BMP7: variants seen among roughly 807,000 people sequenced by gnomAD.
The protein encoded by BMP7 is osteogenic protein 1.
BMP7 carries 12 observed loss-of-function variants against 41.2 expected under a neutral mutation model. The observed-to-expected ratio is 0.29, with a 90% CI of 0.19 to 0.47. The LOEUF (loss-of-function observed/expected upper bound fraction) is 0.47. BMP7 is among the 20% of genes least tolerant of loss of function. BMP7 has a pLI of 0.99. For missense variants in BMP7, 467 were observed against 606.0 expected, an observed-to-expected ratio of 0.77 and a Z score of 2.41; for synonymous variants, 248 against 250.0, an observed-to-expected ratio of 0.99 and a Z score of 0.07.
intron 4 of BMP7, among the ~76,000 whole-genome samples, chr20:57,182,135 T>G (rs1984098033): frequency 6.6e-6 from 1 of 152,146 alleles, no homozygotes; most frequent in African/African-American, 2.4e-5. Context: ...GAAAATGGTT[T>G]GTTGTGAGGT....
intron 3 of BMP7, among the ~76,000 whole-genome samples, chr20:57,201,901 C>T (rs943830906): frequency 6.6e-6 from 1 of 152,202 alleles, no homozygotes; most frequent in Non-Finnish European, 1.5e-5. Flanking sequence ...ACAATGGATT[C>T]TCCAGGAACT....
chr20:57,255,538 G>T (rs1056146056), intron 1 of BMP7, among the ~76,000 whole-genome samples: 1 of 152,126 alleles, frequency 6.6e-6, no homozygotes, highest in Non-Finnish European at 1.5e-5. Context: ...AGTGGCTCAC[G>T]CCTGTAATCT....
At chr20:57,264,818 G>A (rs542818985) in intron 1 of BMP7, among the ~76,000 whole-genome samples, 1 of 152,106 alleles carries the variant, frequency 6.6e-6, no homozygotes, top group Non-Finnish European at 1.5e-5. Context: ...GATCACCTGA[G>A]ATCGGGAGTT....
intron 1 of BMP7, among the ~76,000 whole-genome samples, chr20:57,247,470 A>G (rs1485616349): frequency 6.6e-6 from 1 of 152,196 alleles, no homozygotes; most frequent in Non-Finnish European, 1.5e-5. Context: ...GCCATTTAAT[A>G]GAAAGCAAAA....
chr20:57,190,191 G>A (rs1984317763), intron 3 of BMP7, among the ~76,000 whole-genome samples: 1 of 151,640 alleles, frequency 6.6e-6, no homozygotes, highest in South Asian at 2.1e-4. Flanking sequence ...GAGGAGGTGA[G>A]GCCAGAGAGA....
rs140374742 is a variant in BMP7 at position 57,224,073 on chromosome 20, C to G, written c.611+4156G>C. Among the ~76,000 whole-genome samples, 5,997 of 152,278 alleles carry G rather than the reference C, an allele frequency of 0.039. 124 individuals carry two copies. Among genetic ancestry groups the G allele is most frequent in the Middle Eastern group, 0.048 (14 of 294 alleles). ...AAGGCAGAAACTCAGGGCCCCCATCCCAGGGCTAGTCGAGGGCAAGAGCCT... is the reference window on the plus strand; with the variant it reads ...AAGGCAGAAACTCAGGGCCCCCATCGCAGGGCTAGTCGAGGGCAAGAGCCT... On this transcript the variant is annotated intron_variant, in intron 2 of 6. Coordinates refer to ENST00000395863, the MANE Select transcript of BMP7 (RefSeq NM_001719.3). This position sits in a 1 kb window ranked among gnomAD's most constrained non-coding sequence, Gnocchi z 4.8.
chr20:57,204,739 G>T (rs1444101091), intron 2 of BMP7, among the ~76,000 whole-genome samples: 1 of 152,206 alleles, frequency 6.6e-6, no homozygotes, highest in Non-Finnish European at 1.5e-5. Flanking sequence ...ACCACAGATG[G>T]GCGCAGGAGT....
At chr20:57,221,856 G>A (rs1204813208) in intron 2 of BMP7, among the ~76,000 whole-genome samples, 2 of 150,952 alleles carry the variant, frequency 1.3e-5, no homozygotes, top group South Asian at 2.1e-4. Flanking sequence ...AGGGATAAGG[G>A]TGTCTCCATG....
At chr20:57,255,799 C>CAAAAAAAA (rs3067106) in intron 1 of BMP7, among the ~76,000 whole-genome samples, 76 of 48,420 alleles carry the variant, frequency 1.6e-3, no homozygotes, top group African/African-American at 2.0e-3. Context: ...GACTCCATCT[C>CAAAAAAAA]AAAAAAAAAA....
chr20:57,195,127 C>CT (rs1984462394), intron 3 of BMP7, among the ~76,000 whole-genome samples: 1 of 152,204 alleles, frequency 6.6e-6, no homozygotes, highest in Non-Finnish European at 1.5e-5. Context: ...ATCGGCATGG[C>CT]CAGCCCGAGG....
chr20:57,218,665 G>T (rs957893659), intron 2 of BMP7, among the ~76,000 whole-genome samples: 121 of 151,780 alleles, frequency 8.0e-4, no homozygotes, highest in African/African-American at 2.8e-3. Flanking sequence ...GGTGGTAGCT[G>T]GTGTTTGTTC....
At chr20:57,262,984 A>T (rs1600649357) in intron 1 of BMP7, among the ~76,000 whole-genome samples, 1 of 152,198 alleles carries the variant, frequency 6.6e-6, no homozygotes, top group East Asian at 1.9e-4. Context: ...CTATGGAGAA[A>T]TTCCAAGCTA....
intron 1 of BMP7, among the ~76,000 whole-genome samples, chr20:57,248,871 T>C (rs1235610898): frequency 1.3e-5 from 2 of 151,828 alleles, no homozygotes; most frequent in Non-Finnish European, 2.9e-5. Flanking sequence ...TGATCTCGGC[T>C]CACTGCAAGC....
intron 1 of BMP7, among the ~76,000 whole-genome samples, chr20:57,260,205 C>T (rs2066148579): frequency 1.3e-5 from 2 of 152,196 alleles, no homozygotes; most frequent in South Asian, 4.1e-4. Flanking sequence ...GTGCCCACTT[C>T]GCAATTTTGT....
intron 4 of BMP7, among the ~76,000 whole-genome samples, chr20:57,175,491 C>A (rs917494630): frequency 6.6e-6 from 1 of 152,184 alleles, no homozygotes; most frequent in Non-Finnish European, 1.5e-5. Context: ...GACAAGCAAC[C>A]ATCACCACCA....
At chr20:57,176,708 G>A (rs1191442934) in intron 4 of BMP7, among the ~76,000 whole-genome samples, 1 of 148,956 alleles carries the variant, frequency 6.7e-6, no homozygotes, top group Non-Finnish European at 1.5e-5. Context: ...TCTTCTTCTA[G>A]CCCACTTGTT....
At chr20:57,200,205 C>A (rs76131693) in intron 3 of BMP7, among the ~76,000 whole-genome samples, 3,018 of 152,314 alleles carry the variant, frequency 0.02, 104 homozygotes, top group African/African-American at 0.068. Flanking sequence ...CTCATCTAAT[C>A]CCTCACAACC....
chr20:57,265,058 A>AAAAGG, intron 1 of BMP7, among the ~76,000 whole-genome samples: 1 of 148,022 alleles, frequency 6.8e-6, no homozygotes, highest in South Asian at 2.1e-4. Flanking sequence ...AAAAGAAAAG[A>AAAAGG]AAAAAAAAGA....
At chr20:57,222,598 G>A (rs1172801619) in intron 2 of BMP7, among the ~76,000 whole-genome samples, 1 of 152,048 alleles carries the variant, frequency 6.6e-6, no homozygotes, top group Non-Finnish European at 1.5e-5. Context: ...AAATGCCAAG[G>A]CTCCTTGATG....
Sources: allele counts gnomAD v4.1 joint callset (sites outside exome capture counted in the v4.1 genomes callset), GRCh38; gene constraint gnomAD v4.1.1; non-coding constraint Gnocchi (gnomAD v3.1); transcripts MANE v1.5; gene names NCBI Gene and HGNC (gene_info 2026-07-23, HGNC 2026-07-21).